Variants in FNDC3B observed in about 807,000 individuals in gnomAD.
FNDC3B encodes the protein fibronectin type III domain-containing protein 3B.
FNDC3B carries 12 observed loss-of-function variants against 151.5 expected under a neutral mutation model. That is an observed-to-expected ratio of 0.08 (90% confidence interval 0.05 to 0.13). FNDC3B has a LOEUF of 0.13. Ranked by LOEUF, FNDC3B falls within the 10% of genes least tolerant of loss-of-function variation. The pLI is 1.00. For synonymous variants in FNDC3B, 528 were observed against 549.0 expected, an observed-to-expected ratio of 0.96 and a Z score of 0.54; for missense variants, 1,214 against 1,505.3, an observed-to-expected ratio of 0.81 and a Z score of 3.20.
chr3:172,196,793 A>C (rs1017691640), intron 3 of FNDC3B, among the ~76,000 whole-genome samples: 4 of 152,218 alleles, frequency 2.6e-5, no homozygotes, highest in Non-Finnish European at 4.4e-5. Flanking sequence ...TGTCCAAAGA[A>C]GACAGCCGGA....
Position 172,187,391 on chromosome 3 carries a change from A to AG in FNDC3B, c.188-39476dup, listed in dbSNP as rs909608587. On this transcript the variant is annotated intron_variant, in intron 3 of 25. Transcript: ENST00000415807. ...GACCATGGCTGAACTTCTTGCCAGTAGGGGTGTCGTGAGTCCTGTTCATCT... is the reference window on the plus strand; with the variant it reads ...GACCATGGCTGAACTTCTTGCCAGTAGGGGGTGTCGTGAGTCCTGTTCATCT... 19 of 152,336 alleles carry AG rather than the reference A, an allele frequency of 1.2e-4. 1 individual carries two copies. Among genetic ancestry groups the AG allele is most frequent in the Admixed American group, 7.2e-4 (11 of 15,290 alleles). 9.4% of individuals were successfully genotyped at this position (152,336 alleles called of 1,614,324 possible).
At chr3:172,239,799 G>T (rs1426045727) in intron 4 of FNDC3B, among the ~76,000 whole-genome samples, 4 of 126,560 alleles carry the variant, frequency 3.2e-5, no homozygotes, top group Admixed American at 2.3e-4. Context: ...AAGAAAAAAA[G>T]CAAATAACAA....
chr3:172,194,944 G>A (rs945748477), intron 3 of FNDC3B, among the ~76,000 whole-genome samples: 3 of 152,244 alleles, frequency 2.0e-5, no homozygotes, highest in Admixed American at 6.5e-5. Flanking sequence ...CCTTAGCACC[G>A]CTGGGAGGTT....
At chr3:172,327,445 C>T (rs1732413547) in intron 11 of FNDC3B, among the ~76,000 whole-genome samples, 1 of 152,154 alleles carries the variant, frequency 6.6e-6, no homozygotes, top group Non-Finnish European at 1.5e-5. Flanking sequence ...CTGTCGCCCA[C>T]ACTGGAGTGC....
At chr3:172,200,099 G>C (rs574676651) in intron 3 of FNDC3B, among the ~76,000 whole-genome samples, 2 of 152,294 alleles carry the variant, frequency 1.3e-5, no homozygotes, top group South Asian at 4.1e-4. Context: ...ACAAGGAACA[G>C]ATGGAACCCA....
At chr3:172,248,021 A>T (rs1395022527) in intron 5 of FNDC3B, among the ~76,000 whole-genome samples, 2 of 152,162 alleles carry the variant, frequency 1.3e-5, no homozygotes. Flanking sequence ...CCACCTTACA[A>T]GATCAAGGAG....
chr3:172,126,625 G>T (rs570328609), intron 2 of FNDC3B, among the ~76,000 whole-genome samples: 52 of 152,244 alleles, frequency 3.4e-4, no homozygotes, highest in Non-Finnish European at 5.6e-4. Context: ...GTAAAATTCT[G>T]TTTTCCTGGA....
chr3:172,218,750 T>G (rs1726123209), intron 3 of FNDC3B, among the ~76,000 whole-genome samples: 1 of 152,194 alleles, frequency 6.6e-6, no homozygotes, highest in African/African-American at 2.4e-5. Context: ...TAGAATGTGA[T>G]GGAGTCCAGG....
intron 22 of FNDC3B, among the ~76,000 whole-genome samples, chr3:172,355,715 T>G (rs570086265): frequency 2.6e-5 from 4 of 152,346 alleles, no homozygotes; most frequent in East Asian, 3.9e-4. Context: ...GGCCTAAACA[T>G]CATTACGTTA....
At chr3:172,286,754 A>G (rs1488522684) in intron 7 of FNDC3B, among the ~76,000 whole-genome samples, 1 of 152,170 alleles carries the variant, frequency 6.6e-6, no homozygotes, top group African/African-American at 2.4e-5. Context: ...GGGAGTCTGT[A>G]CTTACTCTGG....
chr3:172,286,628 A>G (rs954566855), intron 7 of FNDC3B, among the ~76,000 whole-genome samples: 41 of 152,214 alleles, frequency 2.7e-4, no homozygotes, highest in African/African-American at 9.4e-4. Flanking sequence ...GAAGAGTCCA[A>G]ACATGCCTCA....
Position 172,133,698 on chromosome 3 carries a change from A to AAT in FNDC3B, c.187+159_187+160dup, listed in dbSNP as rs1476322758. ...TTTTTTTTTCTGTCGCATGGTCTCA[A>AAT]ATATATATTATGATGTTATCCAAAG... On this transcript the variant is annotated intron_variant, in intron 3 of 25. Transcript: ENST00000415807. 4.2e-6 allele frequency: 3 copies of AAT among 711,890 alleles called. No individual in the cohort carries two copies. In the Admixed American group the frequency reaches 6.0e-5, roughly 14 times the overall value. The allele number at this position is 711,890 out of a possible 1,614,324, so 44.1% of individuals were successfully genotyped here. A position where few individuals can be genotyped will look rare whatever the true frequency, so the allele number is the denominator to read the frequency against.
rs530046002 is a variant in FNDC3B, at chr3:172,080,091, GT to G, written c.-28-32359del. 2.3e-3 allele frequency among the ~76,000 whole-genome samples: 351 copies of G among 152,194 alleles called. 1 individual carries two copies. The highest frequency in any genetic ancestry group is 7.9e-3 in the African/African-American group (327 of 41,520). On this transcript the variant is annotated intron_variant, in intron 1 of 25. Transcript: ENST00000415807. Reference sequence around the variant, plus strand: ...TAGACCTAGTTGCTAATGACAATCAGTTACCTGAATTATAAAAAAAAAGGGG... The same window carrying G: ...TAGACCTAGTTGCTAATGACAATCAGTACCTGAATTATAAAAAAAAAGGGG...
chr3:172,396,339 G>A (rs1024864236), intron 25 of FNDC3B, among the ~76,000 whole-genome samples: 1 of 152,174 alleles, frequency 6.6e-6, no homozygotes, highest in Non-Finnish European at 1.5e-5. Context: ...CTCTTGGGGT[G>A]GAGGTGGGAT....
intron 3 of FNDC3B, among the ~76,000 whole-genome samples, chr3:172,171,593 G>T (rs1723285229): frequency 7.2e-6 from 1 of 138,656 alleles, no homozygotes. Flanking sequence ...GAAAACAGCT[G>T]TATTAACTTT....
At chr3:172,336,462 G>A (rs1732971825) in intron 15 of FNDC3B, among the ~76,000 whole-genome samples, 1 of 152,138 alleles carries the variant, frequency 6.6e-6, no homozygotes, top group Admixed American at 6.5e-5. Flanking sequence ...CCACACCTCT[G>A]GTTTCATACC....
chr3:172,091,025 A>G (rs764234615), intron 1 of FNDC3B, among the ~76,000 whole-genome samples: 2 of 152,190 alleles, frequency 1.3e-5, no homozygotes, highest in East Asian at 1.9e-4. Flanking sequence ...TAGGGTCCCA[A>G]GCATTTCAGG....
chr3:172,153,540 G>C (rs1209006999), intron 3 of FNDC3B, among the ~76,000 whole-genome samples: 1 of 152,250 alleles, frequency 6.6e-6, no homozygotes, highest in East Asian at 1.9e-4. Context: ...GAAGGAGCAG[G>C]CTGGGGGCAT....
At chr3:172,132,638 TC>T (rs1721162095) in intron 2 of FNDC3B, among the ~76,000 whole-genome samples, 1 of 152,220 alleles carries the variant, frequency 6.6e-6, no homozygotes, top group South Asian at 2.1e-4. Flanking sequence ...CCTCAAGTGA[TC>T]CACCTGCCTC....
Sources: gnomAD v4.1 joint callset for allele counts (sites outside exome capture counted in the v4.1 genomes callset) on GRCh38, gnomAD v4.1.1 for gene constraint, MANE v1.5 for transcripts, NCBI Gene and HGNC (gene_info 2026-07-23, HGNC 2026-07-21) for gene names.